VPS54: variants seen among roughly 807,000 people sequenced by gnomAD.
VPS54 encodes VPS54 subunit of GARP complex, also known as vacuolar protein sorting-associated protein 54.
VPS54 carries 45 observed loss-of-function variants against 121.5 expected under a neutral mutation model. The observed-to-expected ratio is 0.37, with a 90% confidence interval of 0.29 to 0.47. The LOEUF (loss-of-function observed/expected upper bound fraction) is 0.47. VPS54 is among the 20% of genes least tolerant of loss of function. The probability of loss-of-function intolerance (pLI) is 0.99; values close to 1 mark genes in which losing one functional copy is unlikely to be tolerated. For synonymous variants in VPS54, 371 were observed against 385.8 expected (o/e 0.96, Z 0.45); for missense variants, 1,090 against 1,131.4 (o/e 0.96, Z 0.52).
chr2:64,005,269 AATTTTTTGT>A (rs1678084943), intron 1 of VPS54, among the ~76,000 whole-genome samples: 1 of 146,964 alleles, frequency 6.8e-6, no homozygotes, highest in African/African-American at 2.5e-5. Flanking sequence ...GCGCCCGGCT[AATTTTTTGT>A]ATTTTTAGTA....
chr2:63,912,264 C>A, intron 20 of VPS54, 81 bp downstream of exon 20: 1 of 1,202,510 alleles, frequency 8.3e-7, no homozygotes, highest in Non-Finnish European at 1.2e-6. Flanking sequence ...CTTTTCACAT[C>A]TTAATTTATA....
chr2:63,906,988 G>A (rs1672929669), intron 20 of VPS54, among the ~76,000 whole-genome samples: 1 of 152,094 alleles, frequency 6.6e-6, no homozygotes, highest in African/African-American at 2.4e-5. Context: ...GTGTGGTACT[G>A]GAACAGAATA....
chr2:63,933,827 G>A lies in VPS54; in HGVS notation c.1585C>T (p.Pro529Ser), dbSNP rs1172188212. Residue 529 changes from proline (P) to serine (S), a missense_variant, in exon 12 of 23, where the codon CCT becomes TCT. By Grantham distance (74) the Pro-to-Ser change is moderately conservative (BLOSUM62 -1). Transcript: ENST00000272322. Reference sequence around the variant, plus strand: ...TGAGAGGTAGTGTCAACTGCTATAGGTGTTAGCTCACCCTCACCGAATGCA... The same window carrying A: ...TGAGAGGTAGTGTCAACTGCTATAGATGTTAGCTCACCCTCACCGAATGCA... ...SDAFGEGELT[P>S]IAVDTTSQRN... The A allele has an allele frequency of 7.4e-6, 12 of 1,613,858 alleles. No individual in the cohort carries two copies. The highest frequency in any genetic ancestry group is 9.3e-6 in the Non-Finnish European group (11 of 1,179,846).
At position 63,949,231 on chromosome 2, in the gene VPS54, G is replaced by A; in HGVS notation, c.1011-68C>T. The A allele has an allele frequency of 6.1e-6, 9 of 1,485,092 alleles. No individual in the cohort carries two copies. The South Asian group carries it at 1.1e-4, about 18-fold the overall frequency. 92.0% of individuals were successfully genotyped at this position (1,485,092 alleles called of 1,614,324 possible). The stretch of plus-strand genomic sequence containing the variant: ...ACTACAAATTCGCTCCACAATCAAG[G>A]GAACTAGTAGGTAAAACTTTTTCAG... On this transcript the variant is annotated intron_variant, in intron 7 of 22. Coordinates refer to ENST00000272322, the MANE Select transcript of VPS54 (RefSeq NM_016516.3).
At chr2:63,944,715 T>G (rs1674897843) in intron 9 of VPS54, 60 bp from the exon 10 acceptor site, 2 of 1,419,618 alleles carry the variant, frequency 1.4e-6, no homozygotes, top group East Asian at 4.6e-5. Flanking sequence ...ATCCTAAGTA[T>G]TCCATGTTCC....
chr2:63,910,426 G>C (rs908490058), intron 20 of VPS54, among the ~76,000 whole-genome samples: 4 of 152,152 alleles, frequency 2.6e-5, no homozygotes, highest in Admixed American at 2.6e-4. Context: ...AATGCAATCT[G>C]TGAACCGTGT....
At chr2:63,983,734 G>A in intron 2 of VPS54, 130 bp downstream of exon 2, 1 of 1,235,070 alleles carries the variant, frequency 8.1e-7, no homozygotes, top group Non-Finnish European at 1.1e-6. Flanking sequence ...GAGCCACCGT[G>A]CCCGGCCCCC....
At chr2:63,987,275 C>T (rs13422518) in intron 1 of VPS54, among the ~76,000 whole-genome samples, 222 of 152,210 alleles carry the variant, frequency 1.5e-3, no homozygotes, top group African/African-American at 4.8e-3. Context: ...TTGTTCTATC[C>T]ATGGATATCT....
chr2:63,989,794 A>T (rs903470617), intron 1 of VPS54, among the ~76,000 whole-genome samples: 1 of 152,170 alleles, frequency 6.6e-6, no homozygotes, highest in African/African-American at 2.4e-5. Flanking sequence ...CCATGGAAAA[A>T]ATGGTCACTC....
intron 12 of VPS54, among the ~76,000 whole-genome samples, chr2:63,922,375 G>T (rs1363603410): frequency 6.6e-6 from 1 of 152,026 alleles, no homozygotes; most frequent in Non-Finnish European, 1.5e-5. Flanking sequence ...AAGAGGCTCT[G>T]GTGTATATTA....
chr2:63,959,995 G>A (rs1275240433), intron 7 of VPS54, among the ~76,000 whole-genome samples: 2 of 152,048 alleles, frequency 1.3e-5, no homozygotes, highest in Non-Finnish European at 1.5e-5. Context: ...ACTCCAGCCT[G>A]GGCAACAGAG....
At chr2:64,009,391 T>C (rs951466710) in intron 1 of VPS54, among the ~76,000 whole-genome samples, 12 of 152,080 alleles carry the variant, frequency 7.9e-5, no homozygotes, top group Non-Finnish European at 1.3e-4. Flanking sequence ...TCTCAGTTCA[T>C]AACAACCTCC....
At chr2:63,929,723 T>C (rs1034755583) in intron 12 of VPS54, among the ~76,000 whole-genome samples, 10 of 145,252 alleles carry the variant, frequency 6.9e-5, no homozygotes, top group Admixed American at 6.8e-4. Flanking sequence ...AAAAAATCAA[T>C]GAATCCAGGA....
rs189889671 is a variant in VPS54, at chr2:63,912,202, A to C, written c.2625+143T>G. 1,465 of 871,850 alleles carry C rather than the reference A, an allele frequency of 1.7e-3. 5 individuals are homozygous for C. Among genetic ancestry groups the C allele is most frequent in the Non-Finnish European group, 2.3e-3 (1,356 of 585,224 alleles). The allele number at this position is 871,850 out of a possible 1,614,324, so 54.0% of individuals were successfully genotyped here. On this transcript the variant is annotated intron_variant, in intron 20 of 22. Coordinates refer to ENST00000272322, the MANE Select transcript of VPS54 (RefSeq NM_016516.3). ...AGCACATGGTCACATTTTCCTGAAA[A>C]AAAATTTAAAATTCTACTAATTGGT...
At position 63,932,723 on chromosome 2, in the gene VPS54, T is replaced by C. The variant is rs10178275; in HGVS notation, c.1739+950A>G. On this transcript the variant is annotated intron_variant, in intron 12 of 22. Transcript: ENST00000272322. ...GATTTATATAAAGATAATAAAAATA[T>C]TGTTATTCTTAACAATAACTAAATC... Among the ~76,000 whole-genome samples the C allele has an allele frequency of 7.3e-3, 1,118 of 152,112 alleles. 14 individuals carry two copies. Among genetic ancestry groups the C allele is most frequent in the African/African-American group, 0.025 (1,031 of 41,512 alleles).
intron 5 of VPS54, among the ~76,000 whole-genome samples, chr2:63,967,263 A>AT (rs1416850661): frequency 6.6e-6 from 1 of 152,164 alleles, no homozygotes. Flanking sequence ...ACATGAGTAA[A>AT]TTTTCTAATC....
At chr2:63,935,080 G>GC (rs1464981873) in intron 11 of VPS54, among the ~76,000 whole-genome samples, 10 of 152,208 alleles carry the variant, frequency 6.6e-5, no homozygotes, top group African/African-American at 2.2e-4. Flanking sequence ...CACAATCTGA[G>GC]CTTAATTATT....
In VPS54 at chr2:63,919,776, G is replaced by T. The variant is rs200011039; in HGVS notation, c.2164+107C>A. 54 of 686,112 alleles carry T rather than the reference G, an allele frequency of 7.9e-5. 1 individual carries two copies. In the East Asian group the frequency reaches 1.7e-3, roughly 21 times the overall value. 42.5% of individuals were successfully genotyped at this position (686,112 alleles called of 1,614,324 possible). On this transcript the variant is annotated intron_variant, in intron 15 of 22. Coordinates refer to ENST00000272322, the MANE Select transcript of VPS54 (RefSeq NM_016516.3). The stretch of plus-strand genomic sequence containing the variant: ...AGTATTTACTAAGCTGGAAATATTG[G>T]TTCTAGCTTTGAAATAGGCATTGTC...
At chr2:63,904,438 CAAAAAA>C (rs58651830) in intron 20 of VPS54, among the ~76,000 whole-genome samples, 16 of 19,922 alleles carry the variant, frequency 8.0e-4, no homozygotes, top group African/African-American at 3.3e-3. Flanking sequence ...GACTTGGTCT[CAAAAAA>C]AAAAAAAAAA....
Sources: allele counts gnomAD v4.1 joint callset (sites outside exome capture counted in the v4.1 genomes callset), GRCh38; gene constraint gnomAD v4.1.1; transcripts MANE v1.5; gene names NCBI Gene and HGNC (gene_info 2026-07-23, HGNC 2026-07-21).